TUBGCP2: variants seen among roughly 807,000 people sequenced by gnomAD.
The protein encoded by TUBGCP2 is gamma-tubulin complex component 2.
TUBGCP2 carries 55 observed loss-of-function variants against 92.2 expected under a neutral mutation model. That is an observed-to-expected ratio of 0.60 (90% CI 0.48 to 0.75). TUBGCP2 has a LOEUF of 0.75. Ranked by LOEUF, TUBGCP2 falls within the 30% of genes least tolerant of loss-of-function variation. The pLI, the probability that TUBGCP2 is intolerant of heterozygous loss-of-function variation, is 0.00. For synonymous variants in TUBGCP2, 533 were observed against 505.2 expected, an observed-to-expected ratio of 1.06 and a Z score of -0.74; for missense variants, 1,093 against 1,188.9, an observed-to-expected ratio of 0.92 and a Z score of 1.19.
intron 5 of TUBGCP2, among the ~76,000 whole-genome samples, chr10:133,294,643 T>C (rs1276033831): frequency 6.6e-6 from 1 of 151,250 alleles, no homozygotes; most frequent in African/African-American, 2.4e-5. Context: ...TTGAGACAAA[T>C]CTCACTCTGT....
At position 133,293,607 on chromosome 10, in the gene TUBGCP2, A is replaced by C; in HGVS notation, c.779T>G (p.Val260Gly). The change falls in exon 6 of 18, where the codon GTG (valine) becomes GGG (glycine). Residue 260 changes from valine to glycine, a missense_variant. Val to Gly is a moderately radical substitution (Grantham distance 109, BLOSUM62 -3). This residue lies in a region of TUBGCP2 where 490 missense variants were observed against 488.5 expected (regional missense o/e 1.00). Coordinates refer to ENST00000252936, the MANE Select transcript of TUBGCP2 (RefSeq NM_006659.4). ...GGCGGCCACTGGGAGGATCCTGTGC[A>C]CCAGCTCCCTGATGGACAGGTCCAG... is the stretch of plus-strand genomic sequence containing the variant. ...PNLDLSIRELVHRILPVAASY... is the reference protein window; with the variant it reads ...PNLDLSIRELGHRILPVAASY... The C allele has an allele frequency of 6.4e-7, 1 of 1,561,888 alleles. No homozygotes were observed. Among genetic ancestry groups the C allele is most frequent in the African/African-American group, 1.4e-5 (1 of 73,820 alleles).
chr10:133,279,935 C>T, intron 17 of TUBGCP2, 34 bp from the exon 18 acceptor site: 1 of 1,599,518 alleles, frequency 6.3e-7, no homozygotes, highest in Non-Finnish European at 8.5e-7. Flanking sequence ...GGGGTGCACA[C>T]CCCTTCTGCG....
chr10:133,308,845 C>T lies in TUBGCP2; in HGVS notation c.-62G>A, dbSNP rs1045654966. The stretch of plus-strand genomic sequence containing the variant: ...CACCGCAGTCCCGGAGCCACAGCCC[C>T]CGCGCAGCCCCCGACGGCGGCGGAA... On this transcript the variant is annotated 5_prime_UTR_variant, in exon 1 of 18. Transcript: ENST00000252936. 3.2e-5 allele frequency: 34 copies of T among 1,075,702 alleles called. No homozygotes were observed. The highest frequency in any genetic ancestry group is 3.9e-5 in the Non-Finnish European group (33 of 856,942). The allele number at this position is 1,075,702 out of a possible 1,614,324, so 66.6% of individuals were successfully genotyped here.
At chr10:133,311,821 G>A, upstream of TUBGCP2, 1 of 1,613,368 alleles carries the variant, frequency 6.2e-7, no homozygotes, top group Non-Finnish European at 8.5e-7. Flanking sequence ...CGGCAGGTGA[G>A]AGGCGGATCT....
chr10:133,306,596 G>A (rs1350441941), intron 1 of TUBGCP2, among the ~76,000 whole-genome samples: 1 of 152,074 alleles, frequency 6.6e-6, no homozygotes, highest in African/African-American at 2.4e-5. Context: ...GACCATCCTG[G>A]CTAACATGGT....
intron 3 of TUBGCP2, 60 bp from the exon 4 acceptor site, chr10:133,299,663 A>C: frequency 6.9e-7 from 1 of 1,450,578 alleles, no homozygotes; most frequent in South Asian, 1.3e-5. Context: ...CCATAGGGGG[A>C]GAGTAGGGAC....
At position 133,285,110 on chromosome 10, in the gene TUBGCP2, G is replaced by C; in HGVS notation, c.1999C>G (p.Gln667Glu). The change falls in exon 13 of 18, where the codon CAG (glutamine) becomes GAG (glutamate). Residue 667 changes from glutamine (Q) to glutamate (E), a missense_variant. Gln to Glu is a conservative substitution (Grantham distance 29). This residue lies in a region of TUBGCP2 where 598 missense variants were observed against 675.5 expected (regional missense o/e 0.89). Transcript: ENST00000252936. The surrounding 1 kb of genome is among the most constrained non-coding windows in gnomAD (Gnocchi z 6.8). Reference sequence around the variant, plus strand: ...CACTGGGCGGAGTGCAGCGAGTGCTGCTTGGCGGTTTTGTTGCTGATCCAG... The same window carrying C: ...CACTGGGCGGAGTGCAGCGAGTGCTCCTTGGCGGTTTTGTTGCTGATCCAG... ...SVWISNKTAK[Q>E]HSLHSAQWFA... 6.2e-7 allele frequency: 1 copy of C among 1,610,792 alleles called. No homozygotes were observed. Among genetic ancestry groups the C allele is most frequent in the South Asian group, 1.1e-5 (1 of 91,058 alleles).
chr10:133,309,911 G>A (rs1428185365), upstream of TUBGCP2: 2 of 1,613,664 alleles, frequency 1.2e-6, no homozygotes, highest in Non-Finnish European at 1.7e-6. Context: ...CCGGACACCT[G>A]CTGGACGCCC....
chr10:133,307,268 C>T (rs1295055929), intron 1 of TUBGCP2, among the ~76,000 whole-genome samples: 1 of 152,202 alleles, frequency 6.6e-6, no homozygotes, highest in East Asian at 1.9e-4. Flanking sequence ...ACGTCCTCCT[C>T]ACAGAGGCTG....
intron 5 of TUBGCP2, chr10:133,297,522 G>C: frequency 2.5e-6 from 1 of 394,496 alleles, no homozygotes; most frequent in South Asian, 2.0e-5. Context: ...TTGTTTACAC[G>C]AACACTACTT....
chr10:133,295,186 C>A (rs1480800774), intron 5 of TUBGCP2: 1 of 152,308 alleles, frequency 6.6e-6, no homozygotes, highest in African/African-American at 2.4e-5. Context: ...GTGGCTCACA[C>A]CTGTAATCCC....
At chr10:133,311,807 G>A (rs1190363761), upstream of TUBGCP2, 4 of 1,613,336 alleles carry the variant, frequency 2.5e-6, no homozygotes, top group South Asian at 3.3e-5. Flanking sequence ...AGCCTCCCCT[G>A]CACCGGCAGG....
rs1423117901 is a variant in TUBGCP2 at position 133,278,911 on chromosome 10, G to A, written c.*855C>T. On this transcript the variant is annotated 3_prime_UTR_variant, in exon 18 of 18. Transcript: ENST00000252936. ...ACAACAATACACATGCAGGTCAGCA[G>A]GAAGGGGCAGCTTGGCCAGAATGTA... 1.3e-5 allele frequency: 2 copies of A among 152,394 alleles called. No individual in the cohort carries two copies. The highest frequency in any genetic ancestry group is 6.5e-5 in the Admixed American group (1 of 15,286). 9.4% of individuals were successfully genotyped at this position (152,394 alleles called of 1,614,324 possible). A position where few individuals can be genotyped will look rare whatever the true frequency, so the allele number is the denominator to read the frequency against.
intron 1 of TUBGCP2, among the ~76,000 whole-genome samples, chr10:133,308,260 A>C (rs1160972113): frequency 6.6e-6 from 1 of 152,146 alleles, no homozygotes; most frequent in African/African-American, 2.4e-5. Flanking sequence ...CCCTCCTGTG[A>C]TGCCTTCCCC....
upstream of TUBGCP2, chr10:133,311,860 T>C: frequency 6.2e-7 from 1 of 1,613,324 alleles, no homozygotes; most frequent in Non-Finnish European, 8.5e-7. Context: ...CTGAGCTCTT[T>C]CTGAAACCCG....
chr10:133,307,788 G>C (rs1847860679), intron 1 of TUBGCP2, among the ~76,000 whole-genome samples: 2 of 152,190 alleles, frequency 1.3e-5, no homozygotes, highest in South Asian at 4.1e-4. Context: ...ATTTCCTTCT[G>C]TGCGATCATC....
At chr10:133,306,227 C>A (rs536353439) in intron 1 of TUBGCP2, among the ~76,000 whole-genome samples, 1 of 152,192 alleles carries the variant, frequency 6.6e-6, no homozygotes, top group Admixed American at 6.5e-5. Context: ...GAGCCCTGGA[C>A]GAGGCCCTGC....
chr10:133,304,595 C>A (rs556384069), intron 1 of TUBGCP2, among the ~76,000 whole-genome samples: 3 of 152,172 alleles, frequency 2.0e-5, no homozygotes, highest in Admixed American at 2.0e-4. Flanking sequence ...CGAGTGTGGG[C>A]GGCAAGCCAC....
intron 8 of TUBGCP2, among the ~76,000 whole-genome samples, chr10:133,291,958 C>CCATGTCCCT (rs1225231997): frequency 1.5e-4 from 1 of 6,476 alleles, no homozygotes; most frequent in Non-Finnish European, 3.8e-4. Flanking sequence ...TCCGTGTCCC[C>CCATGTCCCT]GTGTCCCGGG....
Sources: allele counts gnomAD v4.1 joint callset (sites outside exome capture counted in the v4.1 genomes callset), GRCh38; gene constraint gnomAD v4.1.1; regional missense constraint gnomAD v4.1.1; non-coding constraint Gnocchi (gnomAD v3.1); transcripts MANE v1.5; gene names NCBI Gene and HGNC (gene_info 2026-07-23, HGNC 2026-07-21).